TBC1D1: variants seen among roughly 807,000 people sequenced by gnomAD.
The protein encoded by TBC1D1 is TBC1 (tre-2/USP6, BUB2, cdc16) domain family, member 1.
In TBC1D1, 89 loss-of-function variants were observed where a neutral mutation model predicts 125.6. The observed-to-expected ratio is 0.71, with a 90% confidence interval of 0.60 to 0.85. TBC1D1 has a LOEUF of 0.85. TBC1D1 is among the 40% of genes least tolerant of loss of function. The pLI is 0.00. For synonymous variants in TBC1D1, 565 were observed against 564.1 expected (o/e 1.00, Z -0.02); for missense variants, 1,377 against 1,469.2 (o/e 0.94, Z 1.03).
intron 2 of TBC1D1, chr4:37,952,191 A>G: frequency 1.5e-6 from 1 of 663,214 alleles, no homozygotes; most frequent in Non-Finnish European, 2.8e-6. Context: ...TTATCCTGTG[A>G]CTTCACACGC....
At chr4:38,084,659 T>G (rs1757166852) in intron 12 of TBC1D1, among the ~76,000 whole-genome samples, 1 of 152,208 alleles carries the variant, frequency 6.6e-6, no homozygotes. Context: ...TTCAATTTTC[T>G]CCTTTCCAGA....
chr4:38,082,213 A>G lies in TBC1D1; in HGVS notation c.2051-7719A>G, dbSNP rs532264329. 5.3e-5 allele frequency among the ~76,000 whole-genome samples: 8 copies of G among 152,274 alleles called. No homozygotes were observed. The South Asian group carries it at 1.7e-3, about 32-fold the overall frequency. On this transcript the variant is annotated intron_variant, in intron 12 of 19. Transcript: ENST00000261439. ...ACAATACTGAAGAAAGAAGGAAAAT[A>G]AGGGCGGGGTGGCGAAGGTCGCCAC...
chr4:37,922,398 T>C (rs1265571528), intron 2 of TBC1D1, among the ~76,000 whole-genome samples: 1 of 152,166 alleles, frequency 6.6e-6, no homozygotes, highest in Admixed American at 6.5e-5. Flanking sequence ...ATTGTGTAAC[T>C]CTAACTACAA....
In TBC1D1 at chr4:38,054,304, G is replaced by T; in HGVS notation, c.2016G>T (p.Pro672=). The T allele has an allele frequency of 6.2e-7, 1 of 1,614,156 alleles. No individual in the cohort carries two copies. The highest frequency in any genetic ancestry group is 8.5e-7 in the Non-Finnish European group (1 of 1,180,014). ...AGATATTCCTCCGAGTAGCCACCCCGCAGAAGGCGTGCGATTCTTCCAGCA... is the reference window on the plus strand; with the variant it reads ...AGATATTCCTCCGAGTAGCCACCCCTCAGAAGGCGTGCGATTCTTCCAGCA... Residue 672 remains proline, a synonymous_variant, in exon 12 of 20, where the codon CCG becomes CCT. Coordinates refer to ENST00000261439, the MANE Select transcript of TBC1D1 (RefSeq NM_015173.4).
rs961468727 is a variant in TBC1D1 at position 38,002,950 on chromosome 4, A to C, written c.418-11559A>C. Among the ~76,000 whole-genome samples, 18 of 152,260 alleles carry C rather than the reference A, an allele frequency of 1.2e-4. 1 individual carries two copies. Among genetic ancestry groups the C allele is most frequent in the Admixed American group, 1.1e-3 (17 of 15,282 alleles). ...TGGATCCCAGAACAGACCTGAAAAC[A>C]GGAGATTCCAGTCTACCTGAGTCAG... On this transcript the variant is annotated intron_variant, in intron 2 of 19. Transcript: ENST00000261439.
chr4:37,962,946 T>G (rs1214253153), intron 2 of TBC1D1, among the ~76,000 whole-genome samples: 3 of 152,236 alleles, frequency 2.0e-5, no homozygotes, highest in Non-Finnish European at 4.4e-5. Flanking sequence ...TCTCTGAAGC[T>G]CTTTAACATC....
chr4:38,118,063 C>T lies in TBC1D1; in HGVS notation c.2833C>T (p.His945Tyr), dbSNP rs1260424785. The T allele has an allele frequency of 6.2e-7, 1 of 1,614,184 alleles. No homozygotes were observed. Among genetic ancestry groups the T allele is most frequent in the Non-Finnish European group, 8.5e-7 (1 of 1,180,018 alleles). Reference sequence around the variant, plus strand: ...GATGTACCAGCTCTCGAGGTTGCTTCATGATTACCACAGAGACCTCTACAA... The same window carrying T: ...GATGTACCAGCTCTCGAGGTTGCTTTATGATTACCACAGAGACCTCTACAA... Residue 945 changes from histidine (H) to tyrosine (Y), a missense_variant, in exon 17 of 20, where the codon CAT becomes TAT. Around this residue, in one of 3 missense-constraint regions of TBC1D1, gnomAD observed 543 missense variants for 613.5 expected, o/e 0.89. Coordinates refer to ENST00000261439, the MANE Select transcript of TBC1D1 (RefSeq NM_015173.4).
At chr4:38,112,788 A>G (rs1762404271) in intron 15 of TBC1D1, among the ~76,000 whole-genome samples, 1 of 152,158 alleles carries the variant, frequency 6.6e-6, no homozygotes, top group Non-Finnish European at 1.5e-5. Flanking sequence ...ATGGAGCAGA[A>G]CTGGAGGCCA....
rs1425297669 is a variant in TBC1D1 at position 37,934,052 on chromosome 4, G to A, written c.417+31540G>A. On this transcript the variant is annotated intron_variant, in intron 2 of 19. Transcript: ENST00000261439. The stretch of plus-strand genomic sequence containing the variant: ...ATAAATAAAGACACCTACACAGGCC[G>A]TGTGTTCTGGGTGAGCAGTGGCCCT... 4.6e-5 allele frequency among the ~76,000 whole-genome samples: 7 copies of A among 152,230 alleles called. No individual in the cohort carries two copies. In the East Asian group the frequency reaches 5.8e-4, roughly 13 times the overall value.
intron 12 of TBC1D1, among the ~76,000 whole-genome samples, chr4:38,089,152 T>C (rs1758020439): frequency 6.6e-6 from 1 of 152,194 alleles, no homozygotes; most frequent in Non-Finnish European, 1.5e-5. Flanking sequence ...AGACATGAGT[T>C]AGAGTATGCC....
At chr4:38,016,891 A>G (rs1038172585) in intron 3 of TBC1D1, among the ~76,000 whole-genome samples, 6 of 152,232 alleles carry the variant, frequency 3.9e-5, no homozygotes, top group African/African-American at 1.4e-4. Context: ...ATCTTTGGCT[A>G]CAGAGCCAGG....
chr4:38,132,703 T>G (rs1196345835), intron 18 of TBC1D1: 2 of 169,028 alleles, frequency 1.2e-5, no homozygotes, highest in East Asian at 3.7e-4. Context: ...TCTTTTCTCC[T>G]TTTAACCCAT....
In TBC1D1 at chr4:37,977,890, C is replaced by A. The variant is rs1055700879; in HGVS notation, c.418-36619C>A. ...GGCGCGGGACCTCGCGGAAGTCGAC[C>A]CCGCGTGTCTCCCTCGCGGGTGTCG... On this transcript the variant is annotated intron_variant, in intron 2 of 19. Coordinates refer to ENST00000261439, the MANE Select transcript of TBC1D1 (RefSeq NM_015173.4). This position sits in a 1 kb window ranked among gnomAD's most constrained non-coding sequence, Gnocchi z 4.3. Among the ~76,000 whole-genome samples the A allele has an allele frequency of 2.0e-5, 3 of 152,070 alleles. No individual in the cohort carries two copies. The highest frequency in any genetic ancestry group is 2.1e-4 in the South Asian group (1 of 4,830).
chr4:37,934,954 C>G (rs1005969156), intron 2 of TBC1D1, among the ~76,000 whole-genome samples: 6 of 149,084 alleles, frequency 4.0e-5, no homozygotes, highest in Non-Finnish European at 7.5e-5. Flanking sequence ...TGAGTGGACT[C>G]TCTCTCTCTC....
chr4:37,987,595 A>G (rs528142447), intron 2 of TBC1D1, among the ~76,000 whole-genome samples: 167 of 152,372 alleles, frequency 1.1e-3, no homozygotes, highest in African/African-American at 3.7e-3. Context: ...TATGGAAACT[A>G]TATAAGAAGT....
intron 12 of TBC1D1, among the ~76,000 whole-genome samples, chr4:38,068,948 G>A (rs935119846): frequency 4.6e-5 from 7 of 152,212 alleles, no homozygotes; most frequent in African/African-American, 1.7e-4. Flanking sequence ...GTGTTGTACT[G>A]TCTCCTGACT....
At chr4:37,912,069 G>A (rs116037048) in intron 2 of TBC1D1, among the ~76,000 whole-genome samples, 2,680 of 152,174 alleles carry the variant, frequency 0.018, 83 homozygotes, top group African/African-American at 0.061. Flanking sequence ...CAGGACTTTC[G>A]CAAGTCATTC....
At chr4:37,997,856 C>T (rs1738157479) in intron 2 of TBC1D1, among the ~76,000 whole-genome samples, 1 of 151,922 alleles carries the variant, frequency 6.6e-6, no homozygotes, top group Non-Finnish European at 1.5e-5. Context: ...GGATTATTCT[C>T]TGAGGTGCAG....
rs533265318 is a variant in TBC1D1 at position 37,989,390 on chromosome 4, G to T, written c.418-25119G>T. Among the ~76,000 whole-genome samples the T allele has an allele frequency of 1.0e-3, 158 of 152,224 alleles. 1 individual carries two copies. Among genetic ancestry groups the T allele is most frequent in the African/African-American group, 3.6e-3 (151 of 41,544 alleles). On this transcript the variant is annotated intron_variant, in intron 2 of 19. Coordinates refer to ENST00000261439, the MANE Select transcript of TBC1D1 (RefSeq NM_015173.4). ...ACCTTCAAGTTGTCCCACCTTTCCA[G>T]ACCAAACCAATGTACACCTTACATA...
Sources: allele counts gnomAD v4.1 joint callset (sites outside exome capture counted in the v4.1 genomes callset), GRCh38; gene constraint gnomAD v4.1.1; regional missense constraint gnomAD v4.1.1; non-coding constraint Gnocchi (gnomAD v3.1); transcripts MANE v1.5; gene names NCBI Gene and HGNC (gene_info 2026-07-23, HGNC 2026-07-21).